Variants in CSMD1 observed in about 807,000 individuals in gnomAD.
CSMD1 encodes the protein CUB and Sushi multiple domains 1.
Under a neutral mutation model 417.5 loss-of-function variants are expected in CSMD1, and 213 were observed. That is an observed-to-expected ratio of 0.51 (90% CI 0.46 to 0.57). The LOEUF is 0.57. Among genes scored for constraint, CSMD1 ranks in the 20% least tolerant of loss-of-function variants. The probability of loss-of-function intolerance (pLI) is 0.00; values close to 1 mark genes in which losing one functional copy is unlikely to be tolerated. For missense variants in CSMD1, 6,923 were observed against 4,529.7 expected (o/e 1.53, Z -15.17); for synonymous variants, 2,862 against 1,736.8 (o/e 1.65, Z -16.11).
intron 5 of CSMD1, among the ~76,000 whole-genome samples, chr8:3,926,053 TAC>T (rs35557551): frequency 0.082 from 7,240 of 87,864 alleles, 848 homozygotes; most frequent in African/African-American, 0.23. Flanking sequence ...AAACACCATA[TAC>T]ACACACACAC....
intron 1 of CSMD1, among the ~76,000 whole-genome samples, chr8:4,958,545 A>G (rs1437317870): frequency 1.3e-5 from 2 of 152,204 alleles, no homozygotes; most frequent in Non-Finnish European, 2.9e-5. Flanking sequence ...TTAATTTATA[A>G]GCTCTTGAAA....
rs944827213 is a variant in CSMD1, at chr8:4,578,387, G to C, written c.302+58955C>G. Among the ~76,000 whole-genome samples the C allele has an allele frequency of 2.6e-4, 34 of 131,466 alleles. No individual in the cohort carries two copies. In the Admixed American group the frequency reaches 3.0e-3, roughly 12 times the overall value. The allele number at this position is 131,466 out of a possible 152,430, so 86.2% of individuals were successfully genotyped here. ...GGACAGACGGGGTTTCACCGTGTTA[G>C]CCAGGATGTTCTCGATCTCCTGATC... On this transcript the variant is annotated intron_variant, in intron 2 of 69. Transcript: ENST00000635120.
intron 7 of CSMD1, among the ~76,000 whole-genome samples, chr8:3,707,738 A>G (rs1801253334): frequency 6.6e-6 from 1 of 152,190 alleles, no homozygotes; most frequent in South Asian, 2.1e-4. Context: ...TTTCAGCTAA[A>G]GGACAAAGGG....
In CSMD1 at chr8:3,911,047, C is replaced by A. The variant is rs1808425953; in HGVS notation, c.818+86856G>T. 7.2e-5 allele frequency among the ~76,000 whole-genome samples: 11 copies of A among 152,086 alleles called. No individual in the cohort carries two copies. The South Asian group carries it at 2.3e-3, about 32-fold the overall frequency. On this transcript the variant is annotated intron_variant, in intron 5 of 69. Coordinates refer to ENST00000635120, the MANE Select transcript of CSMD1 (RefSeq NM_033225.6). ...GCCCAGCTAGCCCTCTGGGGACACT[C>A]CAGAACTCTAGAAATTGGAGATGAC...
intron 1 of CSMD1, among the ~76,000 whole-genome samples, chr8:4,719,529 A>G (rs1315814828): frequency 6.6e-6 from 1 of 151,900 alleles, no homozygotes; most frequent in Non-Finnish European, 1.5e-5. Context: ...CACCTACAAA[A>G]AAAAAATCTT....
At chr8:4,677,864 A>G (rs1585436715) in intron 1 of CSMD1, among the ~76,000 whole-genome samples, 1 of 152,196 alleles carries the variant, frequency 6.6e-6, no homozygotes, top group Non-Finnish European at 1.5e-5. Context: ...TGTCTTTAAA[A>G]TGAAGTATTA....
intron 12 of CSMD1, among the ~76,000 whole-genome samples, chr8:3,422,092 C>T (rs1813527692): frequency 6.6e-6 from 1 of 151,472 alleles, no homozygotes; most frequent in Admixed American, 6.6e-5. Flanking sequence ...CACCTATCTA[C>T]CCTTCCCATG....
chr8:2,954,980 CA>C (rs1291440440), intron 64 of CSMD1, among the ~76,000 whole-genome samples: 1 of 152,166 alleles, frequency 6.6e-6, no homozygotes, highest in African/African-American at 2.4e-5. Context: ...TTATAAATTA[CA>C]AACAGGGGAG....
chr8:3,110,370 C>G, intron 42 of CSMD1, 35 bp from the exon 43 acceptor site: 1 of 1,544,942 alleles, frequency 6.5e-7, no homozygotes, highest in East Asian at 2.3e-5. Context: ...AAGCGCCATA[C>G]AGCTGATTTT....
At chr8:4,530,391 T>C (rs1479963810) in intron 2 of CSMD1, among the ~76,000 whole-genome samples, 2 of 135,940 alleles carry the variant, frequency 1.5e-5, no homozygotes, top group Non-Finnish European at 3.1e-5. Context: ...GTTTGTTACA[T>C]AGGAATACAT....
At chr8:4,803,829 A>G (rs1337769692) in intron 1 of CSMD1, among the ~76,000 whole-genome samples, 1 of 152,158 alleles carries the variant, frequency 6.6e-6, no homozygotes, top group Non-Finnish European at 1.5e-5. Context: ...AATATCCTTG[A>G]CACAGTAATT....
chr8:3,327,625 T>C (rs933202576), intron 23 of CSMD1, among the ~76,000 whole-genome samples: 7 of 152,164 alleles, frequency 4.6e-5, no homozygotes, highest in African/African-American at 1.7e-4. Flanking sequence ...AGTAGTGACC[T>C]GGGAATAGTA....
At chr8:3,397,132 T>C (rs2116857950) in intron 16 of CSMD1, among the ~76,000 whole-genome samples, 2 of 152,234 alleles carry the variant, frequency 1.3e-5, no homozygotes, top group East Asian at 3.9e-4. Context: ...GGCACGGAGA[T>C]AATTTTCTAA....
chr8:3,279,795 G>T (rs1050371917), intron 26 of CSMD1, among the ~76,000 whole-genome samples: 3 of 152,122 alleles, frequency 2.0e-5, no homozygotes, highest in East Asian at 1.9e-4. Flanking sequence ...AGAAATGCCA[G>T]ACCCTTATAA....
intron 1 of CSMD1, among the ~76,000 whole-genome samples, chr8:4,941,765 A>C (rs2117239516): frequency 6.6e-6 from 1 of 152,006 alleles, no homozygotes; most frequent in East Asian, 1.9e-4. Flanking sequence ...TGCCCGACTG[A>C]TTTTCAATTC....
chr8:3,644,775 G>C (rs997072451), intron 7 of CSMD1, among the ~76,000 whole-genome samples: 14 of 151,960 alleles, frequency 9.2e-5, no homozygotes, highest in Admixed American at 4.6e-4. Context: ...ACAATCGCTT[G>C]TAGAAAGCGT....
rs1310702695 is a variant in CSMD1, at chr8:3,387,626, G to T, written c.2650C>A (p.Arg884Ser). 6.2e-7 allele frequency: 1 copy of T among 1,600,440 alleles called. No homozygotes were observed. The highest frequency in any genetic ancestry group is 8.5e-7 in the Non-Finnish European group (1 of 1,173,386). The change falls in exon 18 of 70, where the codon CGC (arginine) becomes AGC (serine). Residue 884 changes from arginine to serine, a missense_variant. Coordinates refer to ENST00000635120, the MANE Select transcript of CSMD1 (RefSeq NM_033225.6). Reference sequence around the variant, plus strand: ...CTGATGCCAAAGTCTCCACCGTGGCGATGGCCGTTCACAGGGATGCCCGGG... The same window carrying T: ...CTGATGCCAAAGTCTCCACCGTGGCTATGGCCGTTCACAGGGATGCCCGGG... ...LDPGIPVNGH[R>S]HGGDFGIRST...
rs1563319105 is a variant in CSMD1, at chr8:4,761,878, T to TCTATCTATCTATCTATCTACCTAC, written c.86-124321_86-124320insGTAGGTAGATAGATAGATAGATAG. On this transcript the variant is annotated intron_variant, in intron 1 of 69. Transcript: ENST00000635120. ...ATCTATCTATCTATCTATCTATCTA[T>TCTATCTATCTATCTATCTACCTAC]CTATCTATCTACCTACCTATCTATC... Among the ~76,000 whole-genome samples the TCTATCTATCTATCTATCTACCTAC allele has an allele frequency of 2.8e-5, 3 of 108,510 alleles. No individual in the cohort carries two copies. In the East Asian group the frequency reaches 8.0e-4, roughly 29 times the overall value. The allele number at this position is 108,510 out of a possible 152,430, so 71.2% of individuals were successfully genotyped here.
Position 4,596,077 on chromosome 8 carries a change from G to C in CSMD1, c.302+41265C>G, listed in dbSNP as rs964333282. Reference sequence around the variant, plus strand: ...GCCCAACCTTGCTCCTTTCTCTCAAGGGCCAACTTCCCTGTGTGTTACTGC... The same window carrying C: ...GCCCAACCTTGCTCCTTTCTCTCAACGGCCAACTTCCCTGTGTGTTACTGC... On this transcript the variant is annotated intron_variant, in intron 2 of 69. Transcript: ENST00000635120. 2.0e-5 allele frequency among the ~76,000 whole-genome samples: 3 copies of C among 152,088 alleles called. No homozygotes were observed. In the East Asian group the frequency reaches 5.8e-4, roughly 29 times the overall value.
Sources: allele counts gnomAD v4.1 joint callset (sites outside exome capture counted in the v4.1 genomes callset), GRCh38; gene constraint gnomAD v4.1.1; transcripts MANE v1.5; gene names NCBI Gene and HGNC (gene_info 2026-07-23, HGNC 2026-07-21).